LRIG1: variants seen among roughly 807,000 people sequenced by gnomAD.
LRIG1 encodes leucine rich repeats and immunoglobulin like domains 1.
Under a neutral mutation model 99.2 loss-of-function variants are expected in LRIG1, and 48 were observed. That is an observed-to-expected ratio of 0.48 (90% CI 0.38 to 0.62). The LOEUF (loss-of-function observed/expected upper bound fraction) is 0.62. LRIG1 is among the 20% of genes least tolerant of loss of function. The pLI, the probability that LRIG1 is intolerant of heterozygous loss-of-function variation, is 0.00. For missense variants in LRIG1, 1,646 were observed against 1,434.4 expected, an observed-to-expected ratio of 1.15 and a Z score of -2.38; for synonymous variants, 772 against 596.1, an observed-to-expected ratio of 1.29 and a Z score of -4.30.
Position 66,380,716 on chromosome 3 carries a change from T to C in LRIG1, c.2916A>G (p.Gln972=). 1 of 1,614,220 alleles carries C rather than the reference T, an allele frequency of 6.2e-7. No homozygotes were observed. Among genetic ancestry groups the C allele is most frequent in the Non-Finnish European group, 8.5e-7 (1 of 1,180,040 alleles). ...TGCACTGGTGATGTGGAGAATGCTC[T>C]TGGTCACTCCCACCCGGCTCCGGGC... ...PNGPEPGGSD[Q]EHSPHHQCSR... Residue 972 remains glutamine, a synonymous_variant, in exon 18 of 19, where the codon CAA becomes CAG. Coordinates refer to ENST00000273261, the MANE Select transcript of LRIG1 (RefSeq NM_015541.3).
chr3:66,486,366 T>C (rs1700974894), intron 1 of LRIG1, among the ~76,000 whole-genome samples: 1 of 152,124 alleles, frequency 6.6e-6, no homozygotes, highest in South Asian at 2.1e-4. Context: ...AGCTGCCTCT[T>C]AACCACCGTG....
intron 3 of LRIG1, among the ~76,000 whole-genome samples, chr3:66,430,685 T>C (rs147238016): frequency 2.4e-3 from 370 of 152,196 alleles, no homozygotes; most frequent in African/African-American, 8.5e-3. Flanking sequence ...AGGTCAGCTG[T>C]CTTGGCATCT....
In LRIG1 at chr3:66,385,589, A is replaced by G. The variant is rs192598544; in HGVS notation, c.1789+392T>C. Among the ~76,000 whole-genome samples the G allele has an allele frequency of 7.4e-3, 1,123 of 152,278 alleles. 6 individuals are homozygous for G. Among genetic ancestry groups the G allele is most frequent in the Non-Finnish European group, 0.012 (827 of 68,024 alleles). On this transcript the variant is annotated intron_variant, in intron 13 of 18. Coordinates refer to ENST00000273261, the MANE Select transcript of LRIG1 (RefSeq NM_015541.3). ...TGCCTCAGCCTCCCAAGTAGCTGGG[A>G]TTACAGGCATGTGCCACCACACCTG...
At chr3:66,416,033 T>C (rs1227456125) in intron 4 of LRIG1, among the ~76,000 whole-genome samples, 1 of 152,198 alleles carries the variant, frequency 6.6e-6, no homozygotes, top group African/African-American at 2.4e-5. Flanking sequence ...CTGGACTGTT[T>C]GTTCTCAACA....
At chr3:66,466,773 T>C (rs951678337) in intron 1 of LRIG1, among the ~76,000 whole-genome samples, 4 of 152,204 alleles carry the variant, frequency 2.6e-5, no homozygotes, top group African/African-American at 4.8e-5. Flanking sequence ...GTGTCTTCAG[T>C]TGAAGGTTTC....
rs950917933 is a variant in LRIG1, at chr3:66,395,639, G to A, written c.1305-1436C>T. Among the ~76,000 whole-genome samples the A allele has an allele frequency of 3.9e-5, 6 of 152,220 alleles. No individual in the cohort carries two copies. The South Asian group carries it at 1.0e-3, about 26-fold the overall frequency. The stretch of plus-strand genomic sequence containing the variant: ...CATTTTTATTTCACGGGCAGGTAGC[G>A]TTCTGCTGAGAGCCATCTGGAGGGC... On this transcript the variant is annotated intron_variant, in intron 11 of 18. Coordinates refer to ENST00000273261, the MANE Select transcript of LRIG1 (RefSeq NM_015541.3).
chr3:66,500,115 G>T, intron 1 of LRIG1, 75 bp downstream of exon 1: 1 of 1,225,774 alleles, frequency 8.2e-7, no homozygotes, highest in Non-Finnish European at 1.1e-6. Context: ...CCCTCCCTGA[G>T]TACGAACCCC....
rs1701333518 is a variant in LRIG1 at position 66,500,449 on chromosome 3, G to A, written c.-42C>T. The A allele has an allele frequency of 3.2e-6, 4 of 1,254,066 alleles. No homozygotes were observed. Among genetic ancestry groups the A allele is most frequent in the Non-Finnish European group, 4.1e-6 (4 of 977,248 alleles). 77.7% of individuals were successfully genotyped at this position (1,254,066 alleles called of 1,614,324 possible). A position where few individuals can be genotyped will look rare whatever the true frequency, so the allele number is the denominator to read the frequency against. ...TGCGAACTCCGGGCGCGGGGACTGTGAGGACCCGAACGGCCGCAGACGCGG... is the reference window on the plus strand; with the variant it reads ...TGCGAACTCCGGGCGCGGGGACTGTAAGGACCCGAACGGCCGCAGACGCGG... On this transcript the variant is annotated 5_prime_UTR_variant, in exon 1 of 19. Transcript: ENST00000273261.
At chr3:66,445,571 G>A (rs1703689754) in intron 3 of LRIG1, among the ~76,000 whole-genome samples, 1 of 152,038 alleles carries the variant, frequency 6.6e-6, no homozygotes, top group South Asian at 2.1e-4. Flanking sequence ...GTCCAGCTAG[G>A]AATAAATGCA....
At chr3:66,410,414 C>T (rs999220691) in intron 6 of LRIG1, 142 bp from the exon 7 acceptor site, 13 of 747,048 alleles carry the variant, frequency 1.7e-5, no homozygotes, top group South Asian at 1.2e-4. Flanking sequence ...GGAGTCTAGT[C>T]GCACACATGT....
At chr3:66,392,672 A>C (rs1173023191) in intron 12 of LRIG1, among the ~76,000 whole-genome samples, 1 of 152,196 alleles carries the variant, frequency 6.6e-6, no homozygotes, top group African/African-American at 2.4e-5. Context: ...CTTGCAATCC[A>C]GAATATGCCA....
At chr3:66,472,241 G>T (rs750029041) in intron 1 of LRIG1, among the ~76,000 whole-genome samples, 7 of 144,664 alleles carry the variant, frequency 4.8e-5, no homozygotes, top group African/African-American at 2.6e-5. Flanking sequence ...GAGGCGGAGC[G>T]TGCAGTGAGC....
intron 7 of LRIG1, among the ~76,000 whole-genome samples, chr3:66,409,582 C>T (rs950343189): frequency 2.6e-5 from 4 of 152,186 alleles, no homozygotes; most frequent in African/African-American, 9.6e-5. Context: ...CAGGCCACTG[C>T]GGTGCAAAAC....
At chr3:66,457,350 GCCTGGGT>G (rs1700252769) in intron 2 of LRIG1, among the ~76,000 whole-genome samples, 1 of 151,930 alleles carries the variant, frequency 6.6e-6, no homozygotes, top group Non-Finnish European at 1.5e-5. Context: ...TTAGGGTAAG[GCCTGGGT>G]CTTTTATCAG....
chr3:66,407,640 C>A, intron 7 of LRIG1, 149 bp from the exon 8 acceptor site: 1 of 795,660 alleles, frequency 1.3e-6, no homozygotes, highest in Non-Finnish European at 2.0e-6. Flanking sequence ...CACACCCACA[C>A]CCACAGAATC....
Position 66,386,274 on chromosome 3 carries a change from G to C in LRIG1, c.1496C>G (p.Thr499Ser). The change falls in exon 13 of 19, where the codon ACC (threonine) becomes AGC (serine). Residue 499 changes from threonine to serine, a missense_variant. Thr to Ser is a moderately conservative substitution (Grantham distance 58). Coordinates refer to ENST00000273261, the MANE Select transcript of LRIG1 (RefSeq NM_015541.3). ...CATAGCCATGGTGGTTTCTGGCTGG[G>C]TGATGATCTGTGGCTTCAGGAAGTC... ...CDDFLKPQIITQPETTMAMVG... is the reference protein window; with the variant it reads ...CDDFLKPQIISQPETTMAMVG... The C allele has an allele frequency of 1.2e-6, 2 of 1,614,078 alleles. No homozygotes were observed. Among genetic ancestry groups the C allele is most frequent in the Non-Finnish European group, 1.7e-6 (2 of 1,179,974 alleles).
chr3:66,395,074 A>G (rs754950970), intron 11 of LRIG1, among the ~76,000 whole-genome samples: 2 of 152,228 alleles, frequency 1.3e-5, no homozygotes, highest in Non-Finnish European at 2.9e-5. Context: ...CTTGAAGATA[A>G]GTCAACCAAG....
Position 66,394,178 on chromosome 3 carries a change from A to T in LRIG1, c.1330T>A (p.Cys444Ser). The T allele has an allele frequency of 6.2e-7, 1 of 1,605,068 alleles. No individual in the cohort carries two copies. The highest frequency in any genetic ancestry group is 8.5e-7 in the Non-Finnish European group (1 of 1,176,198). ...GGCAGCCACTTCAGCTGGCAGTCAC[A>T]CAGGAAGCTGTCGCTGCTGATATGG... ...ELHISSDSFLCDCQLKWLPPW... is the reference protein window; with the variant it reads ...ELHISSDSFLSDCQLKWLPPW... Residue 444 changes from cysteine (C) to serine (S), a missense_variant, in exon 12 of 19, where the codon TGT becomes AGT. Coordinates refer to ENST00000273261, the MANE Select transcript of LRIG1 (RefSeq NM_015541.3).
intron 12 of LRIG1, among the ~76,000 whole-genome samples, chr3:66,393,225 C>G (rs1298176863): frequency 1.3e-5 from 2 of 152,160 alleles, no homozygotes; most frequent in Admixed American, 1.3e-4. Flanking sequence ...CAGCAGGGAT[C>G]TCAAGGCTCA....
Sources: allele counts gnomAD v4.1 joint callset (sites outside exome capture counted in the v4.1 genomes callset), GRCh38; gene constraint gnomAD v4.1.1; transcripts MANE v1.5; gene names NCBI Gene and HGNC (gene_info 2026-07-23, HGNC 2026-07-21).